SF1: variants seen among roughly 807,000 people sequenced by gnomAD.
SF1 encodes splicing factor 1, also known as branch point-binding protein.
SF1 carries 7 observed loss-of-function variants against 62.5 expected under a neutral mutation model. The ratio of observed to expected loss-of-function variants is 0.11; its 90% CI spans 0.06 to 0.21. The LOEUF (loss-of-function observed/expected upper bound fraction) is 0.21, where lower values mean the gene tolerates loss of function less well. Among genes scored for constraint, SF1 ranks in the 10% least tolerant of loss-of-function variants. The pLI, the probability that SF1 is intolerant of heterozygous loss-of-function variation, is 1.00. For missense variants in SF1, 578 were observed against 884.0 expected (o/e 0.65, Z 4.39); for synonymous variants, 394 against 323.6 (o/e 1.22, Z -2.33).
At chr11:64,773,083 C>T in intron 3 of SF1, 1 of 1,143,308 alleles carries the variant, frequency 8.7e-7, no homozygotes, top group Middle Eastern at 3.9e-4. Context: ...AAACTCTATG[C>T]CCTGGGCTTT....
chr11:64,769,706 C>T (rs945452166), intron 5 of SF1, 97 bp from the exon 6 acceptor site: 35 of 1,130,886 alleles, frequency 3.1e-5, no homozygotes, highest in East Asian at 1.4e-4. Context: ...AAACCACAAG[C>T]GCAGAGAATT....
Position 64,767,737 on chromosome 11 carries a change from A to G in SF1, c.1176T>C (p.Gly392=). ...ATGGGTGTGGGAAGCTGTGGGGGCC[A>G]CCTCCGGGCCCACCAGGACCACCTC... The part of the protein sequence containing the change: ...MHGGGPGGPG[G]GPHSFPHPLP... The change falls in exon 10 of 13, where the codon GGT becomes GGC. Residue 392 remains glycine (G), a synonymous_variant. Coordinates refer to ENST00000377390, the MANE Select transcript of SF1 (RefSeq NM_004630.4). 6.2e-7 allele frequency: 1 copy of G among 1,612,324 alleles called. No individual in the cohort carries two copies. The highest frequency in any genetic ancestry group is 8.5e-7 in the Non-Finnish European group (1 of 1,179,332).
chr11:64,767,872 C>A (rs372440213), intron 9 of SF1, 28 bp from the exon 10 acceptor site: 4 of 1,602,730 alleles, frequency 2.5e-6, no homozygotes, highest in Non-Finnish European at 3.4e-6. Flanking sequence ...CTGCCAACGT[C>A]CCTGCCTGCG....
rs560728552 is a variant in SF1, at chr11:64,774,898, T to A, written c.161-1393A>T. Among the ~76,000 whole-genome samples, 5 of 151,350 alleles carry A rather than the reference T, an allele frequency of 3.3e-5. No individual in the cohort carries two copies. In the East Asian group the frequency reaches 9.7e-4, roughly 29 times the overall value. The stretch of plus-strand genomic sequence containing the variant: ...ATCACTTGAACCCGGGAGACGCAGG[T>A]TGCAGTGAGCCGAGATCGCACCACT... On this transcript the variant is annotated intron_variant, in intron 2 of 12. Transcript: ENST00000377390.
chr11:64,778,322 G>T, intron 1 of SF1, 40 bp downstream of exon 1: 1 of 1,224,054 alleles, frequency 8.2e-7, no homozygotes, highest in Non-Finnish European at 1.0e-6. Context: ...GCCTCCTTTG[G>T]GCCCGGGGAG....
At chr11:64,775,776 T>A (rs552297450) in intron 2 of SF1, among the ~76,000 whole-genome samples, 18 of 152,360 alleles carry the variant, frequency 1.2e-4, no homozygotes, top group Admixed American at 9.8e-4. Flanking sequence ...GAGGTTAATT[T>A]CAATTCCACT....
At chr11:64,778,044 G>A (rs1030856614) in intron 1 of SF1, 29 of 1,011,428 alleles carry the variant, frequency 2.9e-5, no homozygotes, top group East Asian at 9.6e-5. Flanking sequence ...TGGGGTGGCG[G>A]CGGCTGCGGC....
intron 12 of SF1, 139 bp from the exon 13 acceptor site, chr11:64,766,294 GCTGGTGATGGGGAGT>G: frequency 1.2e-5 from 1 of 85,182 alleles, no homozygotes; most frequent in Non-Finnish European, 2.3e-5. Flanking sequence ...GGTGGGCGGG[GCTGGTGATGGGGAGT>G]GGAGGGGTGG....
Position 64,769,460 on chromosome 11 carries a change from T to C in SF1, c.629A>G (p.Asn210Ser), listed in dbSNP as rs141683920. 6.2e-6 allele frequency: 10 copies of C among 1,614,112 alleles called. No individual in the cohort carries two copies. Among genetic ancestry groups the C allele is most frequent in the East Asian group, 2.2e-5 (1 of 44,906 alleles). Residue 210 changes from asparagine to serine, a missense_variant, in exon 6 of 13, where the codon AAT becomes AGT. By Grantham distance (46) the Asn-to-Ser change is conservative (BLOSUM62 1). This residue lies in a region of SF1 where 16 missense variants were observed against 59.3 expected (regional missense o/e 0.27). Transcript: ENST00000377390. ...TGCCTTTTTGACGTTCTCCATTGTA[T>C]TGGCAGTAACCAGGGCATGAAGTGG... ...DEPLHALVTA[N>S]TMENVKKAVE...
At position 64,767,069 on chromosome 11, in the gene SF1, C is replaced by T. The variant is rs775274980; in HGVS notation, c.1413G>A (p.Pro471=). The T allele has an allele frequency of 2.9e-5, 46 of 1,584,388 alleles. No individual in the cohort carries two copies. The highest frequency in any genetic ancestry group is 1.1e-4 in the South Asian group (10 of 87,616). The change falls in exon 12 of 13, where the codon CCG becomes CCA. Residue 471 remains proline (P), a synonymous_variant. Coordinates refer to ENST00000377390, the MANE Select transcript of SF1 (RefSeq NM_004630.4). ...GCGGCATCATGCCCATAGGTGGTGG[C>T]GGCATCATACCTGTGGACAGGTGGA... The part of the protein sequence containing the change: ...YRLHQGKGMM[P]PPPMGMMPPP...
chr11:64,766,406 G>A (rs1411511075), intron 12 of SF1: 6 of 557,100 alleles, frequency 1.1e-5, no homozygotes, highest in Non-Finnish European at 6.4e-6. Flanking sequence ...GGGCTGAGGG[G>A]AAGGTACCAG....
At chr11:64,771,845 T>C (rs1450356595) in intron 3 of SF1, 2 of 985,298 alleles carry the variant, frequency 2.0e-6, no homozygotes, top group African/African-American at 1.7e-5. Context: ...AGAAAACCCA[T>C]GCATTTCCCT....
intron 3 of SF1, chr11:64,771,442 AAAGT>A: frequency 1.0e-6 from 1 of 985,048 alleles, no homozygotes; most frequent in Non-Finnish European, 1.2e-6. Flanking sequence ...AAACATACTG[AAAGT>A]AATCAAGACT....
chr11:64,770,109 G>T, intron 4 of SF1, 56 bp from the exon 5 acceptor site: 14 of 1,581,446 alleles, frequency 8.9e-6, no homozygotes, highest in Non-Finnish European at 1.2e-5. Flanking sequence ...ACAGCCAGCG[G>T]CTTTTCTAAA....
chr11:64,775,959 G>A (rs1204362761), intron 2 of SF1: 3 of 156,292 alleles, frequency 1.9e-5, no homozygotes, highest in Non-Finnish European at 2.8e-5. Context: ...ATGTTGAAGG[G>A]AAGGTTAAAC....
At chr11:64,771,393 G>C in intron 3 of SF1, 4 of 893,962 alleles carry the variant, frequency 4.5e-6, no homozygotes, top group South Asian at 5.1e-5. Flanking sequence ...AGTAGCAGCT[G>C]CAAGAAGGGA....
chr11:64,767,460 G>T, intron 10 of SF1, 111 bp downstream of exon 10: 1 of 1,214,942 alleles, frequency 8.2e-7, no homozygotes, highest in South Asian at 1.4e-5. Context: ...AAGCCAGGCA[G>T]ACCCAGCACA....
At position 64,767,508 on chromosome 11, in the gene SF1, G is replaced by T. The variant is rs760947822; in HGVS notation, c.1342+63C>A. The T allele has an allele frequency of 5.4e-6, 8 of 1,471,786 alleles. No homozygotes were observed. In the Admixed American group the frequency reaches 6.7e-5, roughly 12 times the overall value. 91.2% of individuals were successfully genotyped at this position (1,471,786 alleles called of 1,614,324 possible). A position where few individuals can be genotyped will look rare whatever the true frequency, so the allele number is the denominator to read the frequency against. On this transcript the variant is annotated intron_variant, in intron 10 of 12. Transcript: ENST00000377390. ...TTGAGAGCTGCTTCTAGCCAACAGC[G>T]ACCTGACGTAACCCCTTGCTTATCC... is the stretch of plus-strand genomic sequence containing the variant.
chr11:64,773,748 G>T (rs1306197786), intron 2 of SF1, among the ~76,000 whole-genome samples: 1 of 152,100 alleles, frequency 6.6e-6, no homozygotes, highest in African/African-American at 2.4e-5. Context: ...GTTGGAAGAG[G>T]GGTTAGCAAT....
Sources: allele counts gnomAD v4.1 joint callset (sites outside exome capture counted in the v4.1 genomes callset), GRCh38; gene constraint gnomAD v4.1.1; regional missense constraint gnomAD v4.1.1; transcripts MANE v1.5; gene names NCBI Gene and HGNC (gene_info 2026-07-23, HGNC 2026-07-21).